PLXNA4: variants seen among roughly 807,000 people sequenced by gnomAD.
PLXNA4 encodes the protein plexin-A4.
Under a neutral mutation model 191.8 loss-of-function variants are expected in PLXNA4, and 44 were observed. That is an observed-to-expected ratio of 0.23 (90% CI 0.18 to 0.29). The LOEUF is 0.29. PLXNA4 is among the 10% of genes least tolerant of loss of function. The pLI is 1.00. For synonymous variants in PLXNA4, 1,082 were observed against 1,009.5 expected (o/e 1.07, Z -1.36); for missense variants, 1,800 against 2,488.8 (o/e 0.72, Z 5.89).
In PLXNA4 at chr7:132,507,871, C is replaced by T. The variant is rs1463244265; in HGVS notation, c.823G>A (p.Val275Met). 6.2e-7 allele frequency: 1 copy of T among 1,614,054 alleles called. No homozygotes were observed. Among genetic ancestry groups the T allele is most frequent in the Non-Finnish European group, 8.5e-7 (1 of 1,180,040 alleles). Residue 275 changes from valine to methionine, a missense_variant, in exon 2 of 32, where the codon GTG (valine) becomes ATG (methionine). Val to Met is a conservative substitution (Grantham distance 21). Coordinates refer to ENST00000321063, the MANE Select transcript of PLXNA4 (RefSeq NM_020911.2). Reference sequence around the variant, plus strand: ...AGCCTCACGAGCTTGGATGTATACACCTGCTCCTTGGTGGTGGAGCCTGGT... The same window carrying T: ...AGCCTCACGAGCTTGGATGTATACATCTGCTCCTTGGTGGTGGAGCCTGGT... ...SPPGSTTKEQ[V>M]YTSKLVRLCK...
At chr7:132,165,070 T>C (rs540361820) in intron 23 of PLXNA4, 64 bp downstream of exon 23, 2 of 1,581,210 alleles carry the variant, frequency 1.3e-6, no homozygotes, top group African/African-American at 2.7e-5. Context: ...TGTGGAGCGA[T>C]CCCCAGTCAG....
chr7:132,233,207 C>G (rs925181303), intron 5 of PLXNA4, among the ~76,000 whole-genome samples: 2 of 152,224 alleles, frequency 1.3e-5, no homozygotes, highest in Non-Finnish European at 2.9e-5. Context: ...TCATTGTCAT[C>G]ACATCTGGGG....
At chr7:132,602,384 C>T (rs1476501312) in intron 2 of PLXNA4, among the ~76,000 whole-genome samples, 1 of 152,220 alleles carries the variant, frequency 6.6e-6, no homozygotes, top group Admixed American at 6.5e-5. Flanking sequence ...CAGCTACATG[C>T]TCTATAACCT....
At chr7:132,494,957 T>C (rs1021961460) in intron 2 of PLXNA4, among the ~76,000 whole-genome samples, 1 of 151,996 alleles carries the variant, frequency 6.6e-6, no homozygotes, top group African/African-American at 2.4e-5. Context: ...GAGGAGGAGG[T>C]AGACCTGGGG....
At chr7:132,283,180 C>G (rs936227079) in intron 4 of PLXNA4, among the ~76,000 whole-genome samples, 1 of 152,064 alleles carries the variant, frequency 6.6e-6, no homozygotes, top group Non-Finnish European at 1.5e-5. Context: ...TAGCATCCAA[C>G]TTTAATTGTG....
intron 1 of PLXNA4, among the ~76,000 whole-genome samples, chr7:132,647,376 C>A (rs936345026): frequency 6.6e-6 from 1 of 151,916 alleles, no homozygotes; most frequent in African/African-American, 2.4e-5. Context: ...CACACACATG[C>A]AGTCATGCAC....
chr7:132,170,353 C>A (rs2116675542), intron 21 of PLXNA4, among the ~76,000 whole-genome samples: 1 of 152,242 alleles, frequency 6.6e-6, no homozygotes, highest in African/African-American at 2.4e-5. Flanking sequence ...GGAAGGAGGT[C>A]ATAAATCCCG....
At chr7:132,189,938 A>G (rs1028717941) in intron 14 of PLXNA4, among the ~76,000 whole-genome samples, 1 of 152,198 alleles carries the variant, frequency 6.6e-6, no homozygotes, top group African/African-American at 2.4e-5. Flanking sequence ...TCCCAAGTGA[A>G]CATGTGGCAC....
At chr7:132,206,713 A>G (rs1229353127) in intron 10 of PLXNA4, among the ~76,000 whole-genome samples, 1 of 151,938 alleles carries the variant, frequency 6.6e-6, no homozygotes, top group Non-Finnish European at 1.5e-5. Flanking sequence ...GGGGCAGGGT[A>G]GGGGAAAGGG....
intron 3 of PLXNA4, among the ~76,000 whole-genome samples, chr7:132,318,734 G>A (rs75871730): frequency 0.024 from 3,423 of 142,860 alleles, 142 homozygotes; most frequent in African/African-American, 0.086. Context: ...GGGAGAAATC[G>A]AACCCATCTG....
At chr7:132,151,426 GGAGGAA>G (rs1562885176) in intron 25 of PLXNA4, among the ~76,000 whole-genome samples, 7 of 79,040 alleles carry the variant, frequency 8.9e-5, no homozygotes, top group African/African-American at 3.1e-4. Context: ...AGGAGGAGGA[GGAGGAA>G]GGAGGAGGAG....
rs1170439982 is a variant in PLXNA4 at position 132,582,500 on chromosome 7, G to A, written c.-87+63428C>T. Among the ~76,000 whole-genome samples, 4 of 152,090 alleles carry A rather than the reference G, an allele frequency of 2.6e-5. No individual in the cohort carries two copies. In the East Asian group the frequency reaches 7.7e-4, roughly 29 times the overall value. Reference sequence around the variant, plus strand: ...GTGACCATGAAGTGACAGTGTCCAAGGCTAGGTCAAAAAAAGACATTTTAG... The same window carrying A: ...GTGACCATGAAGTGACAGTGTCCAAAGCTAGGTCAAAAAAAGACATTTTAG... On this transcript the variant is annotated intron_variant, in intron 2 of 4. Transcript: ENST00000378539.
intron 2 of PLXNA4, among the ~76,000 whole-genome samples, chr7:132,499,215 C>G (rs1798150154): frequency 6.6e-6 from 1 of 152,230 alleles, no homozygotes; most frequent in South Asian, 2.1e-4. Flanking sequence ...TGACCTTCTC[C>G]TCATTAGCTT....
intron 20 of PLXNA4, among the ~76,000 whole-genome samples, chr7:132,179,003 GAA>G (rs1796590020): frequency 7.9e-6 from 1 of 127,308 alleles, no homozygotes; most frequent in Non-Finnish European, 1.6e-5. Flanking sequence ...GCTTGTAAAT[GAA>G]ACACATACAC....
intron 4 of PLXNA4, among the ~76,000 whole-genome samples, chr7:132,269,050 T>C (rs892827392): frequency 1.1e-4 from 16 of 152,110 alleles, no homozygotes; most frequent in African/African-American, 3.9e-4. Context: ...TTGGAATGTG[T>C]CCACATGACA....
chr7:132,520,913 T>C (rs1272622283), intron 1 of PLXNA4, among the ~76,000 whole-genome samples: 1 of 152,122 alleles, frequency 6.6e-6, no homozygotes, highest in Non-Finnish European at 1.5e-5. Flanking sequence ...ATGGCAGGGC[T>C]TCTGTTGTCA....
At chr7:132,613,243 C>G (rs569886583) in intron 2 of PLXNA4, among the ~76,000 whole-genome samples, 60 of 152,290 alleles carry the variant, frequency 3.9e-4, no homozygotes, top group Non-Finnish European at 7.6e-4. Flanking sequence ...GCATCACATT[C>G]TCAGCCTGGG....
rs1305737229 is a variant in PLXNA4 at position 132,127,390 on chromosome 7, A to C, written c.*3089T>G. ...AGTTGGCCCAATTCCTTTCTCTGGG[A>C]GCCCGCAAGCCACATGGACAGCCCC... On this transcript the variant is annotated 3_prime_UTR_variant, in exon 32 of 32. Transcript: ENST00000321063. The C allele has an allele frequency of 2.6e-5, 4 of 151,950 alleles. No individual in the cohort carries two copies. Among genetic ancestry groups the C allele is most frequent in the African/African-American group, 9.7e-5 (4 of 41,344 alleles). The allele number at this position is 151,950 out of a possible 1,614,324, so 9.4% of individuals were successfully genotyped here.
At chr7:132,170,848 C>G (rs1321776660) in intron 21 of PLXNA4, among the ~76,000 whole-genome samples, 2 of 152,262 alleles carry the variant, frequency 1.3e-5, no homozygotes, top group African/African-American at 4.8e-5. Flanking sequence ...TTTCATTTCT[C>G]TCACTGTGGT....
Sources: allele counts gnomAD v4.1 joint callset (sites outside exome capture counted in the v4.1 genomes callset), GRCh38; gene constraint gnomAD v4.1.1; transcripts MANE v1.5; gene names NCBI Gene and HGNC (gene_info 2026-07-23, HGNC 2026-07-21).